FGFR1: variants seen among roughly 807,000 people sequenced by gnomAD.
FGFR1 encodes the protein FGFR1/PLAG1 fusion.
Under a neutral mutation model 93.7 loss-of-function variants are expected in FGFR1, and 18 were observed. The observed-to-expected ratio is 0.19, with a 90% CI of 0.13 to 0.28. The LOEUF is 0.28. Ranked by LOEUF, FGFR1 falls within the 10% of genes least tolerant of loss-of-function variation. The pLI is 1.00. For missense variants in FGFR1, 731 were observed against 1,080.4 expected, an observed-to-expected ratio of 0.68 and a Z score of 4.53; for synonymous variants, 448 against 429.3, an observed-to-expected ratio of 1.04 and a Z score of -0.54.
intron 2 of FGFR1, among the ~76,000 whole-genome samples, chr8:38,436,993 G>A (rs1825682162): frequency 6.6e-6 from 1 of 152,088 alleles, no homozygotes; most frequent in Non-Finnish European, 1.5e-5. Flanking sequence ...AGTGATTCTC[G>A]TGCCTCAGTC....
intron 2 of FGFR1, among the ~76,000 whole-genome samples, chr8:38,453,261 T>C (rs1369118236): frequency 6.6e-6 from 1 of 152,176 alleles, no homozygotes; most frequent in Non-Finnish European, 1.5e-5. Flanking sequence ...TCCGTTGCTG[T>C]GTCCCATGAA....
intron 9 of FGFR1, 122 bp from the exon 10 acceptor site, chr8:38,418,495 C>A: frequency 8.1e-7 from 1 of 1,235,326 alleles, no homozygotes; most frequent in South Asian, 1.4e-5. Flanking sequence ...ATGTTCTTTC[C>A]TCAACACAGA....
intron 2 of FGFR1, among the ~76,000 whole-genome samples, chr8:38,443,325 G>A (rs1202920597): frequency 3.9e-5 from 6 of 152,040 alleles, no homozygotes; most frequent in African/African-American, 1.2e-4. Flanking sequence ...ACATCATACC[G>A]TACCCGACGA....
intron 8 of FGFR1, among the ~76,000 whole-genome samples, chr8:38,420,880 T>A (rs1454816717): frequency 6.6e-6 from 1 of 152,192 alleles, no homozygotes; most frequent in African/African-American, 2.4e-5. Flanking sequence ...TGCTGTTTTT[T>A]CTTTCCCTGA....
intron 11 of FGFR1, 152 bp from the exon 12 acceptor site, chr8:38,417,568 A>G: frequency 2.6e-6 from 2 of 782,576 alleles, no homozygotes; most frequent in Non-Finnish European, 4.4e-6. Flanking sequence ...CTTCCCTCTC[A>G]TGGGAGCCGT....
intron 2 of FGFR1, among the ~76,000 whole-genome samples, chr8:38,453,728 C>T (rs112361289): frequency 6.6e-6 from 1 of 152,130 alleles, no homozygotes; most frequent in African/African-American, 2.4e-5. Context: ...CCCATCTCTA[C>T]TAAAAATATA....
At chr8:38,414,126 G>C (rs2150528897) in intron 16 of FGFR1, 26 bp downstream of exon 16, 1 of 1,614,178 alleles carries the variant, frequency 6.2e-7, no homozygotes, top group Non-Finnish European at 8.5e-7. Context: ...CCTGGCTCAG[G>C]GCCTCCGACA....
At chr8:38,467,830 C>A in intron 1 of FGFR1, 151 bp downstream of exon 1, 1 of 232,366 alleles carries the variant, frequency 4.3e-6, no homozygotes, top group Middle Eastern at 1.3e-3. Context: ...CGGGAGGGAG[C>A]CAGGAGGTGA....
chr8:38,433,269 G>C (rs1823969743), intron 2 of FGFR1, among the ~76,000 whole-genome samples: 1 of 152,082 alleles, frequency 6.6e-6, no homozygotes, highest in African/African-American at 2.4e-5. Flanking sequence ...CCAGGAGTTG[G>C]AGGCTACGGT....
chr8:38,429,121 A>G lies in FGFR1; in HGVS notation c.358+561T>C, dbSNP rs976611501. On this transcript the variant is annotated intron_variant, in intron 3 of 17. Transcript: ENST00000447712. This position sits in a 1 kb window ranked among gnomAD's most constrained non-coding sequence, Gnocchi z 4.4. ...CCTGAGGTGCATAAATGGCATAAAG[A>G]AAATTTCAGCTCCACTTCCTCAACT... The G allele has an allele frequency of 5.5e-6, 2 of 361,982 alleles. No homozygotes were observed. The highest frequency in any genetic ancestry group is 7.3e-5 in the Admixed American group (2 of 27,494). The allele number at this position is 361,982 out of a possible 1,614,324, so 22.4% of individuals were successfully genotyped here. A position where few individuals can be genotyped will look rare whatever the true frequency, so the allele number is the denominator to read the frequency against.
At chr8:38,423,313 T>A in intron 7 of FGFR1, 1 of 102,308 alleles carries the variant, frequency 9.8e-6, no homozygotes. Flanking sequence ...TCCCTTTTAG[T>A]TTTTTTTTTT....
chr8:38,428,824 C>T (rs1351445216), intron 3 of FGFR1: 3 of 330,004 alleles, frequency 9.1e-6, no homozygotes, highest in East Asian at 1.5e-4. Context: ...GGTCTAGACA[C>T]ACTGTGGCTA....
intron 2 of FGFR1, among the ~76,000 whole-genome samples, chr8:38,443,897 T>C (rs1828403425): frequency 6.6e-6 from 1 of 151,198 alleles, no homozygotes; most frequent in Non-Finnish European, 1.5e-5. Context: ...CTACTAAAAA[T>C]ACAAAATGAG....
chr8:38,427,422 G>A (rs1301061389), intron 5 of FGFR1, among the ~76,000 whole-genome samples: 1 of 152,116 alleles, frequency 6.6e-6, no homozygotes, highest in African/African-American at 2.4e-5. Context: ...GGGATTACAG[G>A]AGCCTGCCAC....
intron 1 of FGFR1, among the ~76,000 whole-genome samples, chr8:38,462,558 C>T (rs1394816743): frequency 6.6e-6 from 1 of 152,034 alleles, no homozygotes; most frequent in Non-Finnish European, 1.5e-5. Flanking sequence ...TCCAATGTGG[C>T]TTCTAGAAAA....
At position 38,429,592 on chromosome 8, in the gene FGFR1, G is replaced by C. The variant is rs1050711387; in HGVS notation, c.358+90C>G. ...AGCAGAGTGGGGGCAGATCACGGAG[G>C]GGGAGGAGGTTCACCTTCCTCTGAA... On this transcript the variant is annotated intron_variant, in intron 3 of 17. Coordinates refer to ENST00000447712, the MANE Select transcript of FGFR1 (RefSeq NM_023110.3). The surrounding 1 kb of genome is among the most constrained non-coding windows in gnomAD (Gnocchi z 4.4). 46 of 1,360,578 alleles carry C rather than the reference G, an allele frequency of 3.4e-5. No homozygotes were observed. Among genetic ancestry groups the C allele is most frequent in the African/African-American group, 1.3e-4 (9 of 69,554 alleles). The allele number at this position is 1,360,578 out of a possible 1,614,324, so 84.3% of individuals were successfully genotyped here.
At position 38,429,353 on chromosome 8, in the gene FGFR1, G is replaced by A. The variant is rs1486919679; in HGVS notation, c.358+329C>T. 1.6e-6 allele frequency: 1 copy of A among 624,126 alleles called. No homozygotes were observed. Among genetic ancestry groups the A allele is most frequent in the African/African-American group, 1.8e-5 (1 of 56,042 alleles). The allele number at this position is 624,126 out of a possible 1,614,324, so 38.7% of individuals were successfully genotyped here. ...GCAAGGGAGTGATGGAGTGGAAGCTGGCCGAGCACCACTTAGCCTCCTGGA... is the reference window on the plus strand; with the variant it reads ...GCAAGGGAGTGATGGAGTGGAAGCTAGCCGAGCACCACTTAGCCTCCTGGA... On this transcript the variant is annotated intron_variant, in intron 3 of 17. Coordinates refer to ENST00000447712, the MANE Select transcript of FGFR1 (RefSeq NM_023110.3). The surrounding 1 kb of genome is among the most constrained non-coding windows in gnomAD (Gnocchi z 4.4).
At chr8:38,454,023 T>C (rs1831936430) in intron 2 of FGFR1, among the ~76,000 whole-genome samples, 1 of 152,164 alleles carries the variant, frequency 6.6e-6, no homozygotes, top group Non-Finnish European at 1.5e-5. Flanking sequence ...GAAAATTAAG[T>C]TGATTTTTAA....
chr8:38,440,395 G>A, intron 2 of FGFR1: 4 of 1,563,610 alleles, frequency 2.6e-6, no homozygotes, highest in Non-Finnish European at 3.5e-6. Context: ...TGGGTGGAGA[G>A]AGCCCCAAAA....
Sources: gnomAD v4.1 joint callset for allele counts (sites outside exome capture counted in the v4.1 genomes callset) on GRCh38, gnomAD v4.1.1 for gene constraint, Gnocchi (gnomAD v3.1) non-coding constraint, MANE v1.5 for transcripts, NCBI Gene and HGNC (gene_info 2026-07-23, HGNC 2026-07-21) for gene names.